The following EPHB2 variants were observed in gnomAD, a reference collection of about 807,000 sequenced individuals.
EPHB2 encodes the protein ephrin type-B receptor 2.
Under a neutral mutation model 96.4 loss-of-function variants are expected in EPHB2, and 18 were observed. The ratio of observed to expected loss-of-function variants is 0.19; its 90% CI spans 0.13 to 0.28. EPHB2 has a LOEUF of 0.28. EPHB2 is among the 10% of genes least tolerant of loss of function. The pLI is 1.00. For missense variants in EPHB2, 989 were observed against 1,355.4 expected, an observed-to-expected ratio of 0.73 and a Z score of 4.25; for synonymous variants, 506 against 534.1, an observed-to-expected ratio of 0.95 and a Z score of 0.72.
chr1:22,902,899 C>T (rs1464458207), intron 9 of EPHB2, among the ~76,000 whole-genome samples: 1 of 152,184 alleles, frequency 6.6e-6, no homozygotes, highest in African/African-American at 2.4e-5. Context: ...AGGCAGTCTT[C>T]ACAGAGGGGA....
intron 1 of EPHB2, among the ~76,000 whole-genome samples, chr1:22,750,646 A>G (rs1644047259): frequency 6.6e-6 from 1 of 152,242 alleles, no homozygotes; most frequent in Non-Finnish European, 1.5e-5. Flanking sequence ...GCAGACTTCA[A>G]GCTCAGAACC....
chr1:22,798,811 C>T (rs1248578605), intron 3 of EPHB2, among the ~76,000 whole-genome samples: 1 of 151,954 alleles, frequency 6.6e-6, no homozygotes, highest in African/African-American at 2.4e-5. Context: ...GAAGAGGCTC[C>T]GAGGAGTCAA....
chr1:22,881,522 A>C (rs1639044057), intron 5 of EPHB2, among the ~76,000 whole-genome samples: 5 of 152,124 alleles, frequency 3.3e-5, no homozygotes. Flanking sequence ...ATGCCACTGC[A>C]CTCCAGCCTG....
At chr1:22,763,533 TC>T (rs1303579691) in intron 1 of EPHB2, among the ~76,000 whole-genome samples, 2 of 151,022 alleles carry the variant, frequency 1.3e-5, no homozygotes, top group Admixed American at 6.6e-5. Flanking sequence ...GGCCAGGCCC[TC>T]CCCCCCACTT....
intron 14 of EPHB2, among the ~76,000 whole-genome samples, chr1:22,911,236 T>G (rs947569349): frequency 2.6e-5 from 4 of 152,156 alleles, no homozygotes; most frequent in African/African-American, 9.7e-5. Flanking sequence ...TCACTAAGTT[T>G]CCTTCCTAGC....
rs537721548 is a variant in EPHB2 at position 22,777,684 on chromosome 1, C to A, written c.62-3737C>A. Among the ~76,000 whole-genome samples, 721 of 152,260 alleles carry A rather than the reference C, an allele frequency of 4.7e-3. 9 individuals carry two copies. The highest frequency in any genetic ancestry group is 0.016 in the African/African-American group (677 of 41,546). On this transcript the variant is annotated intron_variant, in intron 1 of 15. Transcript: ENST00000374630. ...GGACGGGCTCCATGGAGGCTGTAGC[C>A]ACGGAGCAAGAGACTGATGCTTGTC...
chr1:22,842,245 CTGAT>C (rs1393741478), intron 3 of EPHB2, among the ~76,000 whole-genome samples: 2 of 152,126 alleles, frequency 1.3e-5, no homozygotes, highest in Admixed American at 6.5e-5. Flanking sequence ...AGCCAGCTCA[CTGAT>C]TGCGAGTCCT....
chr1:22,755,936 C>G (rs752502823), intron 1 of EPHB2, among the ~76,000 whole-genome samples: 1 of 152,148 alleles, frequency 6.6e-6, no homozygotes, highest in Non-Finnish European at 1.5e-5. Context: ...TTTCACCACT[C>G]TAGAAAGATA....
In EPHB2 at chr1:22,741,131, C is replaced by T. The variant is rs375800652; in HGVS notation, c.61+30088C>T. On this transcript the variant is annotated intron_variant, in intron 1 of 15. Transcript: ENST00000374630. Reference sequence around the variant, plus strand: ...CTGGCTTTGGAGACCACCCCTGCCCCGACCCCTGTTCTCTGATTCTATCTA... The same window carrying T: ...CTGGCTTTGGAGACCACCCCTGCCCTGACCCCTGTTCTCTGATTCTATCTA... Among the ~76,000 whole-genome samples, 27 of 152,128 alleles carry T rather than the reference C, an allele frequency of 1.8e-4. 1 individual carries two copies. The South Asian group carries it at 4.2e-3, about 23-fold the overall frequency.
intron 5 of EPHB2, among the ~76,000 whole-genome samples, chr1:22,866,351 G>T (rs1016174460): frequency 1.6e-4 from 25 of 152,122 alleles, no homozygotes; most frequent in African/African-American, 6.0e-4. Flanking sequence ...TGGTAAGCAT[G>T]CAGGGATCCA....
intron 1 of EPHB2, among the ~76,000 whole-genome samples, chr1:22,753,071 A>G (rs534112763): frequency 1.3e-3 from 189 of 150,138 alleles, no homozygotes; most frequent in African/African-American, 4.4e-3. Flanking sequence ...ATGAACCACT[A>G]CACCTGGCCC....
chr1:22,846,137 G>A lies in EPHB2; in HGVS notation c.812-16900G>A, dbSNP rs893816279. On this transcript the variant is annotated intron_variant, in intron 3 of 15. Coordinates refer to ENST00000374630, the MANE Select transcript of EPHB2 (RefSeq NM_017449.5). The surrounding 1 kb of genome is among the most constrained non-coding windows in gnomAD (Gnocchi z 4.3). ...ATGATTCAAGAATGTCCCAGGGCGT[G>A]GCCAGGTGCGGTGGTTCACACCTGT... Among the ~76,000 whole-genome samples, 14 of 152,300 alleles carry A rather than the reference G, an allele frequency of 9.2e-5. No homozygotes were observed. The highest frequency in any genetic ancestry group is 8.5e-4 in the Admixed American group (13 of 15,304).
At position 22,773,121 on chromosome 1, in the gene EPHB2, C is replaced by G. The variant is rs201743188; in HGVS notation, c.62-8300C>G. 5.3e-5 allele frequency among the ~76,000 whole-genome samples: 8 copies of G among 152,326 alleles called. No homozygotes were observed. In the East Asian group the frequency reaches 1.5e-3, roughly 29 times the overall value. ...CTTTGCATACTGTAAAAACCTTTGG[C>G]TCCCAATGCCTCCTTTGATCCTCAA... On this transcript the variant is annotated intron_variant, in intron 1 of 15. Coordinates refer to ENST00000374630, the MANE Select transcript of EPHB2 (RefSeq NM_017449.5).
chr1:22,898,159 G>C (rs556254258), intron 9 of EPHB2, among the ~76,000 whole-genome samples: 1 of 151,074 alleles, frequency 6.6e-6, no homozygotes, highest in Non-Finnish European at 1.5e-5. Flanking sequence ...AGAAAAGAAA[G>C]AAAGAAAAGA....
At chr1:22,758,132 A>C (rs1644181373) in intron 1 of EPHB2, among the ~76,000 whole-genome samples, 1 of 143,726 alleles carries the variant, frequency 7.0e-6, no homozygotes, top group Non-Finnish European at 1.5e-5. Context: ...GTTAGCCAGG[A>C]TGGTCTCAAT....
At chr1:22,723,615 T>C (rs1380914776) in intron 1 of EPHB2, among the ~76,000 whole-genome samples, 1 of 152,224 alleles carries the variant, frequency 6.6e-6, no homozygotes, top group Non-Finnish European at 1.5e-5. Flanking sequence ...GGAGGAGATA[T>C]CGGGGGAAAG....
chr1:22,838,921 ACT>A (rs1436134473), intron 3 of EPHB2, among the ~76,000 whole-genome samples: 1 of 151,516 alleles, frequency 6.6e-6, no homozygotes, highest in East Asian at 1.9e-4. Context: ...ACAGAGTGAG[ACT>A]CTGTCTCAAA....
intron 3 of EPHB2, among the ~76,000 whole-genome samples, chr1:22,825,707 G>C (rs994383069): frequency 1.3e-5 from 2 of 152,230 alleles, no homozygotes; most frequent in African/African-American, 2.4e-5. Flanking sequence ...GGCCACCCTG[G>C]GGGCCAGGTG....
intron 3 of EPHB2, among the ~76,000 whole-genome samples, chr1:22,792,108 G>A (rs74817126): frequency 0.011 from 1,621 of 151,954 alleles, 13 homozygotes; most frequent in South Asian, 0.017. Context: ...GGCCTTCAGA[G>A]TTGGATCCTC....
Sources: gnomAD v4.1 joint callset for allele counts (sites outside exome capture counted in the v4.1 genomes callset) on GRCh38, gnomAD v4.1.1 for gene constraint, Gnocchi (gnomAD v3.1) non-coding constraint, MANE v1.5 for transcripts, NCBI Gene and HGNC (gene_info 2026-07-23, HGNC 2026-07-21) for gene names.